SPRY1: variants seen among roughly 807,000 people sequenced by gnomAD.
SPRY1 encodes protein sprouty homolog 1.
SPRY1 carries 20 observed loss-of-function variants against 22.6 expected under a neutral mutation model. That is an observed-to-expected ratio of 0.89 (90% CI 0.62 to 1.29). The LOEUF is 1.29. Among genes scored for constraint, SPRY1 ranks in the 50% most tolerant of loss-of-function variants. The pLI is 0.00. For synonymous variants in SPRY1, 155 were observed against 144.7 expected (o/e 1.07, Z -0.51); for missense variants, 446 against 387.7 (o/e 1.15, Z -1.26).
In SPRY1 at chr4:123,398,893, T is replaced by A. The variant is rs146782282; in HGVS notation, c.-56+1037T>A. On this transcript the variant is annotated intron_variant, in intron 2 of 2. Transcript: ENST00000651917. ...TGGGGATGTCCCCGGAGGCCCTCTTTGGAGGAGTGTGCCTCAAGCAGGGGG... is the reference window on the plus strand; with the variant it reads ...TGGGGATGTCCCCGGAGGCCCTCTTAGGAGGAGTGTGCCTCAAGCAGGGGG... 2.1e-3 allele frequency among the ~76,000 whole-genome samples: 321 copies of A among 152,032 alleles called. 2 individuals are homozygous for A. The highest frequency in any genetic ancestry group is 7.1e-3 in the African/African-American group (296 of 41,462).
chr4:123,399,104 C>T (rs1313548134), intron 2 of SPRY1, among the ~76,000 whole-genome samples: 1 of 149,320 alleles, frequency 6.7e-6, no homozygotes, highest in Admixed American at 6.7e-5. Context: ...CGGCTGGGCG[C>T]GGTGGCTCAC....
At chr4:123,399,890 A>AT (rs1384499778) in intron 2 of SPRY1, 1 of 152,230 alleles carries the variant, frequency 6.6e-6, no homozygotes, top group Non-Finnish European at 1.5e-5. Flanking sequence ...CTGCTTGAAA[A>AT]TGGGCTTTTC....
At chr4:123,400,307 G>C (rs1725095176) in intron 2 of SPRY1, 1 of 152,216 alleles carries the variant, frequency 6.6e-6, no homozygotes, top group Admixed American at 6.5e-5. Flanking sequence ...ACATAGTTTA[G>C]AGACATTAGT....
Position 123,402,535 on chromosome 4 carries a change from A to G in SPRY1, c.944A>G (p.Gln315Arg), listed in dbSNP as rs766150666. 1.2e-6 allele frequency: 2 copies of G among 1,603,814 alleles called. No homozygotes were observed. The highest frequency in any genetic ancestry group is 2.7e-5 in the African/African-American group (2 of 74,652). ...CTGGAGAGCTGCCCCTCCCGGGGTC[A>G]GGGTAAACCATCATGATTTTTGGAG... ...CKLESCPSRG[Q>R]GKPS The change falls in exon 3 of 3, where the codon CAG becomes CGG. Residue 315 changes from glutamine to arginine, a missense_variant. Coordinates refer to ENST00000651917, the MANE Select transcript of SPRY1 (RefSeq NM_001258038.2).
rs1725163332 is a variant in SPRY1, at chr4:123,401,728, C to T, written c.137C>T (p.Ala46Val). 6.2e-7 allele frequency: 1 copy of T among 1,614,122 alleles called. No individual in the cohort carries two copies. Among genetic ancestry groups the T allele is most frequent in the Non-Finnish European group, 8.5e-7 (1 of 1,180,036 alleles). Reference sequence around the variant, plus strand: ...ATTTTGTCCTTAGACCAGATCAAGGCCATAAGAGGCAGCAATGAATACACA... The same window carrying T: ...ATTTTGTCCTTAGACCAGATCAAGGTCATAAGAGGCAGCAATGAATACACA... ...TAILSLDQIK[A>V]IRGSNEYTEG... The change falls in exon 3 of 3, where the codon GCC (alanine) becomes GTC (valine). Residue 46 changes from alanine to valine, a missense_variant. Transcript: ENST00000651917.
At chr4:123,397,050 G>A (rs180783323) in intron 1 of SPRY1, 118 bp downstream of exon 1, 1 of 152,324 alleles carries the variant, frequency 6.6e-6, no homozygotes. Context: ...GTTACTGGTT[G>A]CATTTCAAAA....
Position 123,402,998 on chromosome 4 carries a change from G to A in SPRY1, c.*447G>A, listed in dbSNP as rs753278953. ...ATGTATTAAATCTGTCTCCAGTTAGGGCTATCTTCCTAGCATAGGCCCCTT... is the reference window on the plus strand; with the variant it reads ...ATGTATTAAATCTGTCTCCAGTTAGAGCTATCTTCCTAGCATAGGCCCCTT... On this transcript the variant is annotated 3_prime_UTR_variant, in exon 3 of 3. Transcript: ENST00000651917. The A allele has an allele frequency of 1.2e-5, 5 of 415,746 alleles. No homozygotes were observed. The highest frequency in any genetic ancestry group is 2.2e-5 in the Non-Finnish European group (5 of 227,504). 25.8% of individuals were successfully genotyped at this position (415,746 alleles called of 1,614,324 possible).
In SPRY1 at chr4:123,403,063, A is replaced by T; in HGVS notation, c.*512A>T. On this transcript the variant is annotated 3_prime_UTR_variant, in exon 3 of 3. Coordinates refer to ENST00000651917, the MANE Select transcript of SPRY1 (RefSeq NM_001258038.2). ...ATATATTTTTTGCTATAACGTAAAA[A>T]TTTTCCTTTAACCACTGCCCTCTCC... The T allele has an allele frequency of 2.7e-6, 1 of 364,224 alleles. No homozygotes were observed. Among genetic ancestry groups the T allele is most frequent in the Non-Finnish European group, 5.1e-6 (1 of 197,300 alleles). The allele number at this position is 364,224 out of a possible 1,614,324, so 22.6% of individuals were successfully genotyped here. A position where few individuals can be genotyped will look rare whatever the true frequency, so the allele number is the denominator to read the frequency against.
chr4:123,402,496 C>T lies in SPRY1; in HGVS notation c.905C>T (p.Thr302Ile). Residue 302 changes from threonine to isoleucine, a missense_variant, in exon 3 of 3, where the codon ACT (threonine) becomes ATT (isoleucine). By Grantham distance (89) the Thr-to-Ile change is moderately conservative (BLOSUM62 -1). Transcript: ENST00000651917. ...GGGTGCAGATGTAAGAACTCCAACA[C>T]TGTCTATTGTAAGCTGGAGAGCTGC... ...RPGCRCKNSN[T>I]VYCKLESCPS... 2 of 1,614,158 alleles carry T rather than the reference C, an allele frequency of 1.2e-6. No homozygotes were observed. The highest frequency in any genetic ancestry group is 1.7e-6 in the Non-Finnish European group (2 of 1,180,008).
intron 2 of SPRY1, chr4:123,398,573 G>C (rs1423486450): frequency 2.6e-5 from 4 of 152,234 alleles, no homozygotes; most frequent in Non-Finnish European, 5.9e-5. Flanking sequence ...GGCGGGGCTC[G>C]CTCGGCGCGG....
intron 2 of SPRY1, among the ~76,000 whole-genome samples, chr4:123,401,255 G>A (rs760618752): frequency 1.3e-5 from 2 of 152,100 alleles, no homozygotes; most frequent in Non-Finnish European, 2.9e-5. Context: ...TTCACAAACA[G>A]GAAGGCATTA....
At chr4:123,399,474 C>A (rs1431556581) in intron 2 of SPRY1, 1 of 152,294 alleles carries the variant, frequency 6.6e-6, no homozygotes, top group Non-Finnish European at 1.5e-5. Flanking sequence ...AACTTGTTTT[C>A]ATTCATAACT....
At chr4:123,400,639 G>T (rs895129180) in intron 2 of SPRY1, among the ~76,000 whole-genome samples, 1 of 152,180 alleles carries the variant, frequency 6.6e-6, no homozygotes, top group Non-Finnish European at 1.5e-5. Context: ...TTGGCAGTGC[G>T]TTTGAAAATC....
intron 2 of SPRY1, chr4:123,398,391 C>G (rs926226367): frequency 5.3e-5 from 8 of 151,032 alleles, no homozygotes; most frequent in African/African-American, 1.7e-4. Flanking sequence ...CCGAGGCGCT[C>G]CAACTCCGGC....
chr4:123,401,217 G>C (rs1725133383), intron 2 of SPRY1, among the ~76,000 whole-genome samples: 1 of 152,138 alleles, frequency 6.6e-6, no homozygotes, highest in Non-Finnish European at 1.5e-5. Context: ...TATTCCCTGC[G>C]AAGGCATGCT....
chr4:123,401,354 T>C (rs1725139851), intron 2 of SPRY1, among the ~76,000 whole-genome samples, 183 bp from the exon 3 acceptor site: 4 of 152,206 alleles, frequency 2.6e-5, no homozygotes, highest in Admixed American at 2.0e-4. Flanking sequence ...CTCTATGATG[T>C]GGTCCCCAGC....
Position 123,402,000 on chromosome 4 carries a change from G to T in SPRY1, c.409G>T (p.Gly137Ter). ...TGCCTCTTCTGAACAGGGACTGTTA[G>T]GAAGGTCACCACCAACCAGACCAGT... ...SSASSEQGLL[G>*]RSPPTRPVPG... Residue 137 changes from glycine to a stop codon, truncating the protein, a stop_gained, in exon 3 of 3, where the codon GGA (glycine) becomes TGA (stop). Transcript: ENST00000651917. LOFTEE classifies it high-confidence loss of function. 6.2e-7 allele frequency: 1 copy of T among 1,614,188 alleles called. No individual in the cohort carries two copies. The highest frequency in any genetic ancestry group is 8.5e-7 in the Non-Finnish European group (1 of 1,180,030).
Position 123,401,765 on chromosome 4 carries a change from G to A in SPRY1, c.174G>A (p.Ser58=), listed in dbSNP as rs758894580. Residue 58 remains serine, a synonymous_variant, in exon 3 of 3, where the codon TCG becomes TCA. Transcript: ENST00000651917. ...RGSNEYTEGP[S]VVKRPAPRTA... ...GCAATGAATACACAGAAGGGCCTTC[G>A]GTGGTGAAAAGACCTGCTCCTCGGA... 3.1e-5 allele frequency: 50 copies of A among 1,614,040 alleles called. No individual in the cohort carries two copies. The highest frequency in any genetic ancestry group is 7.7e-5 in the South Asian group (7 of 91,078).
chr4:123,401,507 C>T (rs1051952583), intron 2 of SPRY1, 30 bp from the exon 3 acceptor site: 18 of 1,436,400 alleles, frequency 1.3e-5, no homozygotes, highest in African/African-American at 3.1e-5. Flanking sequence ...CATTTATTTT[C>T]TGTTTTTTTC....
Sources: allele counts gnomAD v4.1 joint callset (sites outside exome capture counted in the v4.1 genomes callset), GRCh38; gene constraint gnomAD v4.1.1; transcripts MANE v1.5; gene names NCBI Gene and HGNC (gene_info 2026-07-23, HGNC 2026-07-21).